Variants in UNC13C observed in about 807,000 individuals in gnomAD.
The protein encoded by UNC13C is protein unc-13 homolog C.
In UNC13C, 174 loss-of-function variants were observed where a neutral mutation model predicts 245.4. The ratio of observed to expected loss-of-function variants is 0.71; its 90% CI spans 0.63 to 0.80. The LOEUF is 0.80. UNC13C is among the 30% of genes least tolerant of loss of function. The probability of loss-of-function intolerance (pLI) is 0.00; values close to 1 mark genes in which losing one functional copy is unlikely to be tolerated. For synonymous variants in UNC13C, 992 were observed against 895.1 expected (o/e 1.11, Z -1.93); for missense variants, 2,829 against 2,602.9 (o/e 1.09, Z -1.89).
chr15:54,370,364 T>G (rs1210808676), intron 17 of UNC13C, among the ~76,000 whole-genome samples: 1 of 152,152 alleles, frequency 6.6e-6, no homozygotes, highest in Non-Finnish European at 1.5e-5. Context: ...CACCCTCAAG[T>G]GATTTAGTTC....
intron 16 of UNC13C, among the ~76,000 whole-genome samples, chr15:54,336,088 A>G (rs1411320633): frequency 6.6e-6 from 1 of 151,906 alleles, no homozygotes; most frequent in Non-Finnish European, 1.5e-5. Context: ...TTTTTTTGTG[A>G]AGAATGTTGA....
intron 7 of UNC13C, among the ~76,000 whole-genome samples, chr15:54,247,334 T>C (rs2036018893): frequency 6.6e-6 from 1 of 152,154 alleles, no homozygotes. Context: ...TTCCCTCTTA[T>C]AGTCTTATTT....
At chr15:54,254,725 T>A (rs1596090789) in intron 8 of UNC13C, among the ~76,000 whole-genome samples, 1 of 152,354 alleles carries the variant, frequency 6.6e-6, no homozygotes, top group East Asian at 1.9e-4. Context: ...GTCTCTGAAC[T>A]CAGCCTGGTG....
At chr15:54,224,301 G>C (rs1043340771) in intron 4 of UNC13C, among the ~76,000 whole-genome samples, 1 of 151,978 alleles carries the variant, frequency 6.6e-6, no homozygotes, top group Admixed American at 6.6e-5. Context: ...AATGTGTTAA[G>C]GTATGTTCTT....
At chr15:54,219,174 C>T (rs547157256) in intron 4 of UNC13C, among the ~76,000 whole-genome samples, 1 of 152,024 alleles carries the variant, frequency 6.6e-6, no homozygotes, top group African/African-American at 2.4e-5. Context: ...AAGCTGGAGG[C>T]ATCACGCTAC....
At chr15:53,864,703 T>C in the UNC13C span, among the ~76,000 whole-genome samples, 1 of 152,190 alleles carries the variant, frequency 6.6e-6, no homozygotes, top group Non-Finnish European at 1.5e-5. Flanking sequence ...TAGATACAGA[T>C]GTCCCTGAAG....
intron 12 of UNC13C, among the ~76,000 whole-genome samples, chr15:54,299,877 A>T (rs2037531011): frequency 6.6e-6 from 1 of 152,150 alleles, no homozygotes; most frequent in South Asian, 2.1e-4. Context: ...TTATTTGCTG[A>T]GGAAACTAAA....
chr15:54,459,890 A>T (rs776214221), intron 19 of UNC13C, among the ~76,000 whole-genome samples: 52 of 151,740 alleles, frequency 3.4e-4, no homozygotes, highest in Non-Finnish European at 5.4e-4. Context: ...TGATTTCTTT[A>T]TCTGGTAATT....
At chr15:54,065,002 T>C (rs1000669762) in intron 2 of UNC13C, among the ~76,000 whole-genome samples, 5 of 152,232 alleles carry the variant, frequency 3.3e-5, no homozygotes, top group African/African-American at 2.4e-5. Context: ...AAACTTCCTA[T>C]GTTTAAGATT....
chr15:54,507,118 C>T lies in UNC13C; in HGVS notation c.5303C>T (p.Thr1768Ile). The T allele has an allele frequency of 1.3e-6, 2 of 1,588,952 alleles. No individual in the cohort carries two copies. Among genetic ancestry groups the T allele is most frequent in the Non-Finnish European group, 8.6e-7 (1 of 1,165,254 alleles). Reference sequence around the variant, plus strand: ...AGTTCACAATGTTTTCTTTCTTAGACTATCAATAAAGTGCTGCTCCAGTAT... The same window carrying T: ...AGTTCACAATGTTTTCTTTCTTAGATTATCAATAAAGTGCTGCTCCAGTAT... ...LSHLMRRFAK[T>I]INKVLLQYAA... The change falls in exon 23 of 33, where the codon ACT (threonine) becomes ATT (isoleucine). Residue 1768 changes from threonine (T) to isoleucine (I), a missense_variant and splice_region_variant. Physicochemically the swap from Thr to Ile is moderately conservative, Grantham distance 89. Coordinates refer to ENST00000260323, the MANE Select transcript of UNC13C (RefSeq NM_001080534.3).
chr15:54,179,178 T>C (rs1265735112), intron 4 of UNC13C, among the ~76,000 whole-genome samples: 1 of 151,948 alleles, frequency 6.6e-6, no homozygotes, highest in Non-Finnish European at 1.5e-5. Context: ...ACAGGAACCC[T>C]AGAAAAAAGG....
intron 4 of UNC13C, among the ~76,000 whole-genome samples, chr15:54,228,847 C>A (rs1013490878): frequency 3.3e-5 from 5 of 152,168 alleles, no homozygotes; most frequent in Non-Finnish European, 7.3e-5. Flanking sequence ...TACAAAGTCT[C>A]CCTGAGCCAC....
intron 4 of UNC13C, among the ~76,000 whole-genome samples, chr15:54,193,371 T>C (rs943183511): frequency 3.3e-5 from 5 of 152,204 alleles, no homozygotes; most frequent in Admixed American, 1.3e-4. Flanking sequence ...TCTATCTTTA[T>C]TCAGTATGTC....
chr15:54,129,865 T>C (rs2031299271), intron 2 of UNC13C, among the ~76,000 whole-genome samples: 1 of 150,776 alleles, frequency 6.6e-6, no homozygotes, highest in Admixed American at 6.6e-5. Context: ...CATTTTTCCA[T>C]GTCATAAGTT....
At chr15:54,428,332 C>T (rs953281515) in intron 19 of UNC13C, among the ~76,000 whole-genome samples, 1 of 151,634 alleles carries the variant, frequency 6.6e-6, no homozygotes, top group African/African-American at 2.4e-5. Context: ...GAACTCATCT[C>T]CTTTGACTCC....
At chr15:54,354,178 G>GA (rs528202806) in intron 17 of UNC13C, among the ~76,000 whole-genome samples, 1,995 of 146,646 alleles carry the variant, frequency 0.014, 13 homozygotes, top group Non-Finnish European at 0.02. Flanking sequence ...TTTTCATTTA[G>GA]AAAAAAAAAA....
At chr15:54,471,287 T>C (rs1892450004) in intron 19 of UNC13C, among the ~76,000 whole-genome samples, 1 of 151,612 alleles carries the variant, frequency 6.6e-6, no homozygotes, top group South Asian at 2.1e-4. Context: ...TTGTTGAAAG[T>C]AGGATACTGA....
intron 30 of UNC13C, among the ~76,000 whole-genome samples, chr15:54,581,017 C>T (rs75976747): frequency 0.051 from 7,770 of 152,200 alleles, 695 homozygotes; most frequent in African/African-American, 0.18. Flanking sequence ...AGATTCTTTG[C>T]TCCAAGAAGC....
the UNC13C span, among the ~76,000 whole-genome samples, chr15:53,900,037 A>C: frequency 6.6e-6 from 1 of 152,096 alleles, no homozygotes; most frequent in African/African-American, 2.4e-5. Context: ...CATATATCCT[A>C]TTTCATCTTT....
Sources: gnomAD v4.1 joint callset for allele counts (sites outside exome capture counted in the v4.1 genomes callset) on GRCh38, gnomAD v4.1.1 for gene constraint, MANE v1.5 for transcripts, NCBI Gene and HGNC (gene_info 2026-07-23, HGNC 2026-07-21) for gene names.